The following SYTL3 variants were observed in gnomAD, a reference collection of about 807,000 sequenced individuals.
SYTL3 encodes the protein synaptotagmin like 3, also known as synaptotagmin-like protein 3.
In SYTL3, 88 loss-of-function variants were observed where a neutral mutation model predicts 82.1. The observed-to-expected ratio is 1.07, with a 90% CI of 0.90 to 1.28. SYTL3 has a LOEUF of 1.28. SYTL3 is among the 50% of genes most tolerant of loss of function. The pLI, the probability that SYTL3 is intolerant of heterozygous loss-of-function variation, is 0.00. For synonymous variants in SYTL3, 311 were observed against 289.4 expected, an observed-to-expected ratio of 1.07 and a Z score of -0.76; for missense variants, 831 against 757.6, an observed-to-expected ratio of 1.10 and a Z score of -1.14.
At chr6:158,730,830 C>G (rs1785307498) in intron 11 of SYTL3, among the ~76,000 whole-genome samples, 2 of 151,380 alleles carry the variant, frequency 1.3e-5, no homozygotes, top group Non-Finnish European at 2.9e-5. Context: ...ACCGCAGGGG[C>G]GGTAAAGCAT....
intron 11 of SYTL3, among the ~76,000 whole-genome samples, chr6:158,738,815 G>T (rs925646773): frequency 6.6e-6 from 1 of 152,194 alleles, no homozygotes; most frequent in African/African-American, 2.4e-5. Flanking sequence ...GTGCCACCGT[G>T]CCCAGCTAAT....
At chr6:158,704,219 C>T (rs767519599) in intron 6 of SYTL3, among the ~76,000 whole-genome samples, 4 of 152,162 alleles carry the variant, frequency 2.6e-5, no homozygotes, top group Admixed American at 6.5e-5. Flanking sequence ...TTCGTGGGAA[C>T]GGGCACGCCT....
chr6:158,756,252 T>A (rs970614024), intron 13 of SYTL3, among the ~76,000 whole-genome samples: 1 of 152,030 alleles, frequency 6.6e-6, no homozygotes, highest in African/African-American at 2.4e-5. Flanking sequence ...CACTCTTGGG[T>A]GTGTTGGGAG....
At chr6:158,752,486 T>G (rs1434020285) in intron 13 of SYTL3, among the ~76,000 whole-genome samples, 2 of 152,192 alleles carry the variant, frequency 1.3e-5, no homozygotes, top group Admixed American at 1.3e-4. Context: ...CTAATTTTAT[T>G]TTTTTTAAAT....
Position 158,755,046 on chromosome 6 carries a change from G to A in SYTL3, c.1138-2165G>A, listed in dbSNP as rs189010040. ...CAGAGATTGAATGTGGGGCAGAGTC[G>A]GAAATGGACCCATGGGCTGGGTGTG... On this transcript the variant is annotated intron_variant, in intron 13 of 17. Transcript: ENST00000611299. 7.6e-4 allele frequency among the ~76,000 whole-genome samples: 115 copies of A among 152,190 alleles called. 1 individual carries two copies. The highest frequency in any genetic ancestry group is 3.1e-3 in the East Asian group (16 of 5,156).
intron 9 of SYTL3, among the ~76,000 whole-genome samples, chr6:158,715,460 A>C (rs557952154): frequency 6.6e-6 from 1 of 152,214 alleles, no homozygotes; most frequent in Admixed American, 6.5e-5. Context: ...ACCTGCTCAC[A>C]CACTTGAGCA....
At chr6:158,731,632 C>T (rs1237386526) in intron 11 of SYTL3, among the ~76,000 whole-genome samples, 2 of 152,154 alleles carry the variant, frequency 1.3e-5, no homozygotes, top group African/African-American at 4.8e-5. Flanking sequence ...CTCGCTCTGT[C>T]ACCCAGGCTG....
intron 6 of SYTL3, among the ~76,000 whole-genome samples, chr6:158,686,523 C>T (rs903332604): frequency 9.9e-5 from 15 of 152,072 alleles, no homozygotes; most frequent in Non-Finnish European, 2.1e-4. Context: ...GTGGAGTTTG[C>T]AGCGGGTGCG....
rs1025197913 is a variant in SYTL3 at position 158,696,787 on chromosome 6, C to G, written c.395-10443C>G. On this transcript the variant is annotated intron_variant, in intron 6 of 17. Coordinates refer to ENST00000611299, the MANE Select transcript of SYTL3 (RefSeq NM_001242394.2). ...GATCTCAAAACTTACTACAAAGCTA[C>G]AGTAATCAAAACAGTGTGGTACTGA... 4.6e-5 allele frequency among the ~76,000 whole-genome samples: 7 copies of G among 151,796 alleles called. 1 individual carries two copies. In the East Asian group the frequency reaches 1.4e-3, roughly 29 times the overall value.
chr6:158,746,456 A>ATTATTATTATTATTATTATTATTAT (rs1554263756), intron 12 of SYTL3, among the ~76,000 whole-genome samples: 11 of 138,634 alleles, frequency 7.9e-5, no homozygotes, highest in South Asian at 2.4e-4. Flanking sequence ...AATAATAATA[A>ATTATTATTATTATTATTATTATTAT]TAATATTATT....
intron 12 of SYTL3, among the ~76,000 whole-genome samples, chr6:158,749,924 A>G (rs1788181688): frequency 6.6e-6 from 1 of 152,180 alleles, no homozygotes; most frequent in South Asian, 2.1e-4. Context: ...AGGGGCATAT[A>G]CCCTATCACT....
At chr6:158,735,808 G>A (rs73797093) in intron 11 of SYTL3, among the ~76,000 whole-genome samples, 2,960 of 152,226 alleles carry the variant, frequency 0.019, 95 homozygotes, top group African/African-American at 0.068. Context: ...ATAGAGCTCC[G>A]TGTTGGTAAG....
At chr6:158,683,666 A>G (rs1002826433) in intron 6 of SYTL3, among the ~76,000 whole-genome samples, 41 of 152,234 alleles carry the variant, frequency 2.7e-4, no homozygotes, top group African/African-American at 9.6e-4. Flanking sequence ...ATATTGTAGC[A>G]TTGTTTGTGC....
intron 8 of SYTL3, among the ~76,000 whole-genome samples, chr6:158,711,023 G>A (rs190218830): frequency 2.0e-3 from 304 of 152,156 alleles, no homozygotes; most frequent in Non-Finnish European, 2.2e-3. Context: ...CTCGTGATCT[G>A]CCCACCTCGG....
At chr6:158,744,304 C>CTTTTTTTTTTTTTTTTTTTTT (rs869182913) in intron 11 of SYTL3, among the ~76,000 whole-genome samples, 1 of 99,210 alleles carries the variant, frequency 1.0e-5, no homozygotes, top group Non-Finnish European at 1.9e-5. Context: ...CTTTTTCTTT[C>CTTTTTTTTTTTTTTTTTTTTT]TTTTTTTTTT....
At chr6:158,743,054 C>G (rs1218717323) in intron 11 of SYTL3, among the ~76,000 whole-genome samples, 6 of 152,302 alleles carry the variant, frequency 3.9e-5, no homozygotes, top group Non-Finnish European at 8.8e-5. Flanking sequence ...ATTTTGCCCC[C>G]CAGTCCCGTT....
chr6:158,654,285 C>T (rs1461025256), intron 2 of SYTL3, among the ~76,000 whole-genome samples: 2 of 152,186 alleles, frequency 1.3e-5, no homozygotes, highest in East Asian at 3.9e-4. Flanking sequence ...GGGATGGGTC[C>T]TTCTTAAATG....
rs1783890379 is a variant in SYTL3, at chr6:158,719,989, T to C, written c.720+1778T>C. Reference sequence around the variant, plus strand: ...CTATAATCCCAGCTACTAGGGAGACTGAGGTGGGAGGATCGCTTGAGCCCA... The same window carrying C: ...CTATAATCCCAGCTACTAGGGAGACCGAGGTGGGAGGATCGCTTGAGCCCA... On this transcript the variant is annotated intron_variant, in intron 10 of 17. Transcript: ENST00000611299. Among the ~76,000 whole-genome samples the C allele has an allele frequency of 2.0e-5, 3 of 152,142 alleles. No homozygotes were observed. In the South Asian group the frequency reaches 6.2e-4, roughly 32 times the overall value.
intron 14 of SYTL3, among the ~76,000 whole-genome samples, chr6:158,758,862 C>T (rs78555383): frequency 1.6e-3 from 250 of 152,284 alleles, no homozygotes; most frequent in African/African-American, 4.9e-3. Context: ...GAGCTCAGGA[C>T]GCCTGCCATC....
Sources: allele counts gnomAD v4.1 joint callset (sites outside exome capture counted in the v4.1 genomes callset), GRCh38; gene constraint gnomAD v4.1.1; transcripts MANE v1.5; gene names NCBI Gene and HGNC (gene_info 2026-07-23, HGNC 2026-07-21).